PRIM2: variants seen among roughly 807,000 people sequenced by gnomAD.
The protein encoded by PRIM2 is DNA primase subunit 2.
PRIM2 carries 39 observed loss-of-function variants against 67.3 expected under a neutral mutation model. That is an observed-to-expected ratio of 0.58 (90% CI 0.45 to 0.76). PRIM2 has a LOEUF of 0.76. Ranked by LOEUF, PRIM2 falls within the 30% of genes least tolerant of loss-of-function variation. PRIM2 has a pLI of 0.00. For synonymous variants in PRIM2, 143 were observed against 198.7 expected (o/e 0.72, Z 2.36); for missense variants, 398 against 598.7 (o/e 0.66, Z 3.50).
At chr6:57,447,829 A>G (rs1772414221) in intron 7 of PRIM2, among the ~76,000 whole-genome samples, 2 of 152,238 alleles carry the variant, frequency 1.3e-5, no homozygotes, top group South Asian at 4.1e-4. Context: ...TTTCTCATCA[A>G]AATGACCAAA....
chr6:57,331,189 G>GAA (rs147300105), intron 5 of PRIM2, among the ~76,000 whole-genome samples: 6 of 98,462 alleles, frequency 6.1e-5, no homozygotes, highest in African/African-American at 1.1e-4. Context: ...CTTTGTCTCA[G>GAA]AAAAAAAAAA....
intron 7 of PRIM2, among the ~76,000 whole-genome samples, chr6:57,407,183 C>A: frequency 6.6e-6 from 1 of 152,118 alleles, no homozygotes; most frequent in Non-Finnish European, 1.5e-5. Context: ...AATGTTCAAT[C>A]TTTGAGGAAA....
At position 57,398,538 on chromosome 6, in the gene PRIM2, C is replaced by A. The variant is rs374441617; in HGVS notation, c.693+16370C>A. 1.3e-3 allele frequency among the ~76,000 whole-genome samples: 192 copies of A among 152,138 alleles called. 5 individuals are homozygous for A. In the East Asian group the frequency reaches 0.016, roughly 13 times the overall value. ...GTTTGTTATGATTTATGTTATTTTG[C>A]ATTTGCTGAGGATATTTTATGTCCA... On this transcript the variant is annotated intron_variant, in intron 7 of 13. Transcript: ENST00000615550.
the PRIM2 span, among the ~76,000 whole-genome samples, chr6:57,234,662 T>C: frequency 6.6e-6 from 1 of 152,178 alleles, no homozygotes; most frequent in South Asian, 2.1e-4. Flanking sequence ...TAGCTGGGAC[T>C]ACAGGTGCAT....
the PRIM2 span, among the ~76,000 whole-genome samples, chr6:57,291,433 T>G: frequency 6.6e-6 from 1 of 152,212 alleles, no homozygotes; most frequent in African/African-American, 2.4e-5. Context: ...GAGGAGCTGC[T>G]ACCATTCCTT....
chr6:57,632,276 C>A lies in PRIM2; in HGVS notation c.1299+75C>A, dbSNP rs1441982326. The A allele has an allele frequency of 2.8e-5, 24 of 865,760 alleles. No individual in the cohort carries two copies. The East Asian group carries it at 4.4e-4, about 16-fold the overall frequency. 53.6% of individuals were successfully genotyped at this position (865,760 alleles called of 1,614,324 possible). On this transcript the variant is annotated intron_variant, in intron 13 of 13. Transcript: ENST00000615550. ...GTGTCACATTCAGGGTTTTTAGTTG[C>A]AGCAATGGAAACCACTCTAGCTATT...
At chr6:57,262,805 CA>C in the PRIM2 span, among the ~76,000 whole-genome samples, 1 of 152,142 alleles carries the variant, frequency 6.6e-6, no homozygotes, top group Admixed American at 6.5e-5. Flanking sequence ...AGAGGTTCTG[CA>C]ACCTGCTTCC....
Position 57,554,721 on chromosome 6 carries a change from T to C in PRIM2, c.1020+17096T>C, listed in dbSNP as rs1775477164. On this transcript the variant is annotated intron_variant, in intron 10 of 13. Coordinates refer to ENST00000615550, the MANE Select transcript of PRIM2 (RefSeq NM_000947.5). ...ATATTCGTTGGCCGAAAATGGACCTTAAGTGTGTTAAGCCATTAGTTTTCT... is the reference window on the plus strand; with the variant it reads ...ATATTCGTTGGCCGAAAATGGACCTCAAGTGTGTTAAGCCATTAGTTTTCT... 2.0e-5 allele frequency among the ~76,000 whole-genome samples: 3 copies of C among 152,218 alleles called. No individual in the cohort carries two copies. The South Asian group carries it at 6.2e-4, about 32-fold the overall frequency.
chr6:57,272,782 G>A, the PRIM2 span, among the ~76,000 whole-genome samples: 1 of 152,166 alleles, frequency 6.6e-6, no homozygotes, highest in Non-Finnish European at 1.5e-5. Context: ...TCCTTTCCAT[G>A]TTTAGTGCTT....
At chr6:57,351,835 T>C (rs1349063859) in intron 5 of PRIM2, among the ~76,000 whole-genome samples, 1 of 152,042 alleles carries the variant, frequency 6.6e-6, no homozygotes, top group Non-Finnish European at 1.5e-5. Flanking sequence ...AAAACAAAGC[T>C]TGCTAAGGGA....
chr6:57,451,793 T>TA (rs1193444391), intron 7 of PRIM2, among the ~76,000 whole-genome samples: 1 of 151,612 alleles, frequency 6.6e-6, no homozygotes, highest in Non-Finnish European at 1.5e-5. Flanking sequence ...TTTTTTTTTT[T>TA]AATTATACTT....
chr6:57,273,311 A>T, the PRIM2 span, among the ~76,000 whole-genome samples: 6 of 152,264 alleles, frequency 3.9e-5, no homozygotes, highest in East Asian at 7.7e-4. Context: ...TATTTCTTGG[A>T]GGCTTTGTTC....
intron 7 of PRIM2, among the ~76,000 whole-genome samples, chr6:57,391,725 C>T (rs895396000): frequency 8.6e-5 from 13 of 151,856 alleles, no homozygotes; most frequent in Admixed American, 7.9e-4. Context: ...GGTCTATGTG[C>T]TTGTTTTTGT....
At chr6:57,378,483 C>T (rs1769847362) in intron 5 of PRIM2, among the ~76,000 whole-genome samples, 1 of 152,076 alleles carries the variant, frequency 6.6e-6, no homozygotes, top group South Asian at 2.1e-4. Context: ...GTGAATTCTT[C>T]CCTGTTGTTT....
chr6:57,400,206 G>A (rs1051622991), intron 7 of PRIM2, among the ~76,000 whole-genome samples: 13 of 152,350 alleles, frequency 8.5e-5, no homozygotes, highest in South Asian at 2.1e-4. Flanking sequence ...TCACTGATCC[G>A]TGTATTTAAG....
Position 57,550,701 on chromosome 6 carries a change from C to A in PRIM2, c.1020+13076C>A, listed in dbSNP as rs1775384225. Among the ~76,000 whole-genome samples, 10 of 152,176 alleles carry A rather than the reference C, an allele frequency of 6.6e-5. No individual in the cohort carries two copies. In the South Asian group the frequency reaches 1.9e-3, roughly 28 times the overall value. ...AAATGAGATTAAAAAAATAAAATGA[C>A]ATTTTATTCAACATTTTAAAAGGTG... On this transcript the variant is annotated intron_variant, in intron 10 of 13. Transcript: ENST00000615550.
chr6:57,306,402 C>T, the PRIM2 span, among the ~76,000 whole-genome samples: 8 of 152,170 alleles, frequency 5.3e-5, no homozygotes, highest in South Asian at 1.7e-3. Flanking sequence ...TGACTCCCGA[C>T]CATGTCATTA....
chr6:57,396,072 G>A (rs2127351013), intron 7 of PRIM2, among the ~76,000 whole-genome samples: 1 of 152,352 alleles, frequency 6.6e-6, no homozygotes, highest in East Asian at 1.9e-4. Flanking sequence ...TTCATGGCCT[G>A]TCATATAGTC....
At position 57,549,823 on chromosome 6, in the gene PRIM2, C is replaced by T. The variant is rs1215871836; in HGVS notation, c.1020+12198C>T. 2.6e-5 allele frequency among the ~76,000 whole-genome samples: 4 copies of T among 152,216 alleles called. No homozygotes were observed. The East Asian group carries it at 5.8e-4, about 22-fold the overall frequency. On this transcript the variant is annotated intron_variant, in intron 10 of 13. Coordinates refer to ENST00000615550, the MANE Select transcript of PRIM2 (RefSeq NM_000947.5). The stretch of plus-strand genomic sequence containing the variant: ...GAAAAAAATAGTTTCTTATGGCTCA[C>T]GCCTGTAATCCCAGCACTTTGGGAG...
Sources: gnomAD v4.1 joint callset for allele counts (sites outside exome capture counted in the v4.1 genomes callset) on GRCh38, gnomAD v4.1.1 for gene constraint, MANE v1.5 for transcripts, NCBI Gene and HGNC (gene_info 2026-07-23, HGNC 2026-07-21) for gene names.